The following SURF1 variants were observed in gnomAD, a reference collection of about 807,000 sequenced individuals.
SURF1 encodes the protein surfeit locus protein 1.
In SURF1, 45 loss-of-function variants were observed where a neutral mutation model predicts 34.1. That is an observed-to-expected ratio of 1.32 (90% CI 1.04 to 1.69). The LOEUF (loss-of-function observed/expected upper bound fraction) is 1.69, where lower values mean the gene tolerates loss of function less well. SURF1 is among the 40% of genes most tolerant of loss of function. The probability of loss-of-function intolerance (pLI) is 0.00; values close to 1 mark genes in which losing one functional copy is unlikely to be tolerated. For missense variants in SURF1, 456 were observed against 384.6 expected, an observed-to-expected ratio of 1.19 and a Z score of -1.55; for synonymous variants, 188 against 147.5, an observed-to-expected ratio of 1.27 and a Z score of -1.99.
intron 5 of SURF1, among the ~76,000 whole-genome samples, chr9:133,353,066 C>T (rs1457862692): frequency 6.6e-6 from 1 of 152,188 alleles, no homozygotes; most frequent in Non-Finnish European, 1.5e-5. Context: ...GCAACGCTGC[C>T]ACGCCAGAGT....
intron 5 of SURF1, among the ~76,000 whole-genome samples, chr9:133,353,358 C>T (rs1277530626): frequency 6.6e-6 from 1 of 152,160 alleles, no homozygotes; most frequent in African/African-American, 2.4e-5. Flanking sequence ...TCCCAAATAG[C>T]CCTCTAGGGA....
At chr9:133,353,982 GA>G (rs1039442250) in intron 4 of SURF1, 42 bp from the exon 5 acceptor site, 1 of 1,612,166 alleles carries the variant, frequency 6.2e-7, no homozygotes, top group Non-Finnish European at 8.5e-7. Flanking sequence ...GGTTTGGCTG[GA>G]AAACGAATCC....
At position 133,352,748 on chromosome 9, in the gene SURF1, A is replaced by G; in HGVS notation, c.534T>C (p.Asn178=). The stretch of plus-strand genomic sequence containing the variant: ...CTTTCTTCCTGGGAACGAACCCTCT[A>G]TTTACCAGGATGGTGACTCTAGGGT... ...CTDLGVTILV[N]RGFVPRKKVN... The change falls in exon 6 of 9, where the codon AAT becomes AAC. Residue 178 remains asparagine, a synonymous_variant. Transcript: ENST00000371974. The G allele has an allele frequency of 1.9e-6, 3 of 1,611,982 alleles. No homozygotes were observed. The highest frequency in any genetic ancestry group is 2.5e-6 in the Non-Finnish European group (3 of 1,179,422).
rs2130009838 is a variant in SURF1 at position 133,352,745 on chromosome 9, T to C, written c.537A>G (p.Arg179=). Residue 179 remains arginine (R), a synonymous_variant, in exon 6 of 9, where the codon AGA becomes AGG. Transcript: ENST00000371974. The stretch of plus-strand genomic sequence containing the variant: ...TCACTTTCTTCCTGGGAACGAACCC[T>C]CTATTTACCAGGATGGTGACTCTAG... ...TDLGVTILVN[R]GFVPRKKVNP... 1.2e-6 allele frequency: 2 copies of C among 1,612,384 alleles called. No homozygotes were observed. The highest frequency in any genetic ancestry group is 1.7e-6 in the Non-Finnish European group (2 of 1,179,552).
Position 133,354,748 on chromosome 9 carries a change from T to C in SURF1, c.241-7A>G, listed in dbSNP as rs2130018273. The C allele has an allele frequency of 6.2e-7, 1 of 1,613,588 alleles. No homozygotes were observed. The highest frequency in any genetic ancestry group is 8.5e-7 in the Non-Finnish European group (1 of 1,180,016). On this transcript the variant is annotated splice_polypyrimidine_tract_variant and splice_region_variant and intron_variant, in intron 3 of 8. Coordinates refer to ENST00000371974, the MANE Select transcript of SURF1 (RefSeq NM_003172.4). ...TCCACTTCCGACGCTGGACCTACAG[T>C]GACAGAGCATAAGGCCAAGCAGATG...
chr9:133,353,233 CAA>C (rs1317964031), intron 5 of SURF1, among the ~76,000 whole-genome samples: 2 of 152,190 alleles, frequency 1.3e-5, no homozygotes, highest in Non-Finnish European at 2.9e-5. Context: ...CATGGGTTAA[CAA>C]GAGCCCCAGG....
chr9:133,354,707 G>A lies in SURF1; in HGVS notation c.275C>T (p.Ala92Val). ...QRRKWKLNLI[A>V]ELESRVLAEP... is the part of the protein sequence containing the mutation. Reference sequence around the variant, plus strand: ...AGCCAGAACTCTGGACTCCAACTCTGCAATCAGGTTCAGCTTCCACTTCCG... The same window carrying A: ...AGCCAGAACTCTGGACTCCAACTCTACAATCAGGTTCAGCTTCCACTTCCG... The change falls in exon 4 of 9, where the codon GCA becomes GTA. Residue 92 changes from alanine (A) to valine (V), a missense_variant. Coordinates refer to ENST00000371974, the MANE Select transcript of SURF1 (RefSeq NM_003172.4). 6.2e-7 allele frequency: 1 copy of A among 1,613,558 alleles called. No homozygotes were observed.
At chr9:133,356,135 G>T in intron 2 of SURF1, 134 bp downstream of exon 2, 2 of 1,184,088 alleles carry the variant, frequency 1.7e-6, no homozygotes, top group Non-Finnish European at 2.4e-6. Context: ...TACGGAACTT[G>T]TCACTCCCAG....
In SURF1 at chr9:133,356,465, C is replaced by T. The variant is rs2130027165; in HGVS notation, c.-12G>A. On this transcript the variant is annotated 5_prime_UTR_variant, in exon 1 of 9. Transcript: ENST00000371974. ...GCCACCGCCGCCATCGCACCCGGCC[C>T]CGCGGGCGCTTCCGGGACGCAGGAA... The T allele has an allele frequency of 7.7e-6, 11 of 1,424,830 alleles. No individual in the cohort carries two copies. The highest frequency in any genetic ancestry group is 5.5e-5 in the Admixed American group (2 of 36,446). The allele number at this position is 1,424,830 out of a possible 1,614,324, so 88.3% of individuals were successfully genotyped here. A position where few individuals can be genotyped will look rare whatever the true frequency, so the allele number is the denominator to read the frequency against.
At chr9:133,352,394 G>A (rs1836447145) in intron 7 of SURF1, 52 bp downstream of exon 7, 5 of 1,613,422 alleles carry the variant, frequency 3.1e-6, no homozygotes, top group Admixed American at 1.7e-5. Context: ...TAGGAGGAAG[G>A]ACAGTATTCA....
At chr9:133,353,233 C>G (rs1487572865) in intron 5 of SURF1, among the ~76,000 whole-genome samples, 1 of 152,190 alleles carries the variant, frequency 6.6e-6, no homozygotes, top group Non-Finnish European at 1.5e-5. Flanking sequence ...CATGGGTTAA[C>G]AAGAGCCCCA....
At chr9:133,356,239 C>T (rs1836578903) in intron 2 of SURF1, 30 bp downstream of exon 2, 1 of 1,533,788 alleles carries the variant, frequency 6.5e-7, no homozygotes, top group South Asian at 1.2e-5. Flanking sequence ...GCCCAGGCGC[C>T]TGGATCACAG....
Position 133,353,841 on chromosome 9 carries a change from G to T in SURF1, c.423C>A (p.Asp141Glu), listed in dbSNP as rs2130014947. 6.2e-7 allele frequency: 1 copy of T among 1,613,872 alleles called. No homozygotes were observed. The highest frequency in any genetic ancestry group is 8.5e-7 in the Non-Finnish European group (1 of 1,180,040). Reference protein sequence around the residue: ...ELYMMPRTMVDPVREAREGGL... With the variant: ...ELYMMPRTMVEPVREAREGGL... ...CGCCCTCCCGGGCCTCCCGGACAGGGTCCACCATGGTCCGGGGCATCATAT... is the reference window on the plus strand; with the variant it reads ...CGCCCTCCCGGGCCTCCCGGACAGGTTCCACCATGGTCCGGGGCATCATAT... Residue 141 changes from aspartate (D) to glutamate (E), a missense_variant, in exon 5 of 9, where the codon GAC (aspartate) becomes GAA (glutamate). Physicochemically the swap from Asp to Glu is conservative, Grantham distance 45 (BLOSUM62 2). Coordinates refer to ENST00000371974, the MANE Select transcript of SURF1 (RefSeq NM_003172.4).
chr9:133,352,119 TGG>T lies in SURF1; in HGVS notation c.773_774del (p.Pro258HisfsTer33), dbSNP rs2130004837. 4.4e-6 allele frequency: 7 copies of T among 1,606,474 alleles called. No homozygotes were observed. Among genetic ancestry groups the T allele is most frequent in the Non-Finnish European group, 5.1e-6 (6 of 1,176,188 alleles). ...ANFQSTVPGGPIGGQTRVTLR... is the reference protein window; with the variant it reads ...ANFQSTVPGGXIGGQTRVTLR... ...AGAGTAACTCTGGTTTGCCCTCCAA[TGG>T]GTCCTCCAGGGACTGTGCTCTCTGT... On this transcript the variant is annotated frameshift_variant, in exon 8 of 9. Transcript: ENST00000371974. LOFTEE classifies it high-confidence loss of function.
chr9:133,353,259 A>G (rs2130012698), intron 5 of SURF1, among the ~76,000 whole-genome samples: 3 of 152,318 alleles, frequency 2.0e-5, no homozygotes, highest in Non-Finnish European at 2.9e-5. Context: ...TTTCATTTTT[A>G]CGTGAATCCT....
rs2130002752 is a variant in SURF1, at chr9:133,351,928, C to G, written c.888G>C (p.Gly296=). 6.2e-7 allele frequency: 1 copy of G among 1,613,766 alleles called. No homozygotes were observed. Among genetic ancestry groups the G allele is most frequent in the Non-Finnish European group, 8.5e-7 (1 of 1,179,938 alleles). The change falls in exon 9 of 9, where the codon GGG becomes GGC. Residue 296 remains glycine, a synonymous_variant. Coordinates refer to ENST00000371974, the MANE Select transcript of SURF1 (RefSeq NM_003172.4). ...AGCTGATCTGTCACACACCAGGTGT[C>G]CCACGTAGGAATTTCTTAAACCACA... ...SYLWFKKFLR[G]TPGV
chr9:133,356,199 C>A (rs1434459328), intron 2 of SURF1, 70 bp downstream of exon 2: 2 of 1,524,154 alleles, frequency 1.3e-6, no homozygotes, highest in Admixed American at 3.9e-5. Context: ...GACAACCCTT[C>A]AAAGTGCAGG....
Position 133,354,700 on chromosome 9 carries a change from C to T in SURF1, c.282G>A (p.Leu94=), listed in dbSNP as rs2130017938. 4 of 1,613,518 alleles carry T rather than the reference C, an allele frequency of 2.5e-6. No individual in the cohort carries two copies. In the Admixed American group the frequency reaches 5.0e-5, roughly 20 times the overall value. The change falls in exon 4 of 9, where the codon TTG becomes TTA. Residue 94 remains leucine (L), a synonymous_variant. Transcript: ENST00000371974. ...CAGGCTCAGCCAGAACTCTGGACTC[C>T]AACTCTGCAATCAGGTTCAGCTTCC... The part of the protein sequence containing the change: ...RKWKLNLIAE[L]ESRVLAEPVP...
Position 133,352,462 on chromosome 9 carries a change from G to A in SURF1, c.735C>T (p.Phe245=). The A allele has an allele frequency of 6.2e-7, 1 of 1,614,246 alleles. No individual in the cohort carries two copies. The highest frequency in any genetic ancestry group is 8.5e-7 in the Non-Finnish European group (1 of 1,180,050). ...ACAACGTACGGAAGTTGGCATCAAT[G>A]AAGATGGGCTCTGCGCCTGTGATTC... ...MARITGAEPI[F]IDANFQSTVP... Residue 245 remains phenylalanine (F), a synonymous_variant, in exon 7 of 9, where the codon TTC becomes TTT. Coordinates refer to ENST00000371974, the MANE Select transcript of SURF1 (RefSeq NM_003172.4).
Sources: gnomAD v4.1 joint callset for allele counts (sites outside exome capture counted in the v4.1 genomes callset) on GRCh38, gnomAD v4.1.1 for gene constraint, MANE v1.5 for transcripts, NCBI Gene and HGNC (gene_info 2026-07-23, HGNC 2026-07-21) for gene names.